DENND2B: variants seen among roughly 807,000 people sequenced by gnomAD.
DENND2B encodes the protein DENN domain-containing protein 2B.
DENND2B carries 32 observed loss-of-function variants against 116.0 expected under a neutral mutation model. The observed-to-expected ratio is 0.28, with a 90% CI of 0.21 to 0.37. The LOEUF is 0.37. DENND2B is among the 10% of genes least tolerant of loss of function. The pLI, the probability that DENND2B is intolerant of heterozygous loss-of-function variation, is 1.00. For synonymous variants in DENND2B, 588 were observed against 583.9 expected (o/e 1.01, Z -0.10); for missense variants, 1,276 against 1,477.7 (o/e 0.86, Z 2.24).
At chr11:8,700,064 TGG>T (rs36089509) in intron 14 of DENND2B, 5 of 443,310 alleles carry the variant, frequency 1.1e-5, no homozygotes, top group South Asian at 3.2e-5. Context: ...GGAGCTGGCC[TGG>T]GGGGGGGCAG....
In DENND2B at chr11:8,734,332, T is replaced by A. The variant is rs570435426; in HGVS notation, c.81-3123A>T. On this transcript the variant is annotated intron_variant, in intron 2 of 19. Transcript: ENST00000313726. ...TTATCATTAGTACTGTTTTTTTTTT[T>A]TATCAGGTTATGGCTAGCCAGTCAG... Among the ~76,000 whole-genome samples, 3 of 152,262 alleles carry A rather than the reference T, an allele frequency of 2.0e-5. No homozygotes were observed. In the East Asian group the frequency reaches 5.8e-4, roughly 29 times the overall value.
chr11:8,731,597 C>T (rs1420106199), intron 2 of DENND2B, among the ~76,000 whole-genome samples: 5 of 152,142 alleles, frequency 3.3e-5, no homozygotes, highest in Non-Finnish European at 5.9e-5. Flanking sequence ...TGCCTGTAAT[C>T]CCAGCACTTA....
At chr11:8,817,884 T>A (rs2061625808) in intron 4 of DENND2B, among the ~76,000 whole-genome samples, 1 of 151,666 alleles carries the variant, frequency 6.6e-6, no homozygotes, top group East Asian at 2.0e-4. Flanking sequence ...CTGGGCCACA[T>A]AAACATAGGC....
At chr11:8,704,670 T>G (rs1565647480) in intron 13 of DENND2B, among the ~76,000 whole-genome samples, 1 of 152,218 alleles carries the variant, frequency 6.6e-6, no homozygotes, top group Non-Finnish European at 1.5e-5. Context: ...ATCCACCTCT[T>G]ACTCTCAAAG....
chr11:8,759,409 GA>G (rs1330151651), intron 1 of DENND2B, among the ~76,000 whole-genome samples: 1 of 152,178 alleles, frequency 6.6e-6, no homozygotes, highest in Non-Finnish European at 1.5e-5. Flanking sequence ...CCACTGAGAG[GA>G]AACGTAAACA....
At chr11:8,838,611 A>G (rs2134607412) in intron 4 of DENND2B, among the ~76,000 whole-genome samples, 1 of 152,354 alleles carries the variant, frequency 6.6e-6, no homozygotes, top group Admixed American at 6.5e-5. Context: ...GCACAGAGGG[A>G]AATCGAAGAG....
At chr11:8,731,327 A>G (rs1435650649) in intron 2 of DENND2B, 118 bp from the exon 3 acceptor site, 4 of 992,946 alleles carry the variant, frequency 4.0e-6, no homozygotes, top group Middle Eastern at 2.5e-4. Flanking sequence ...AGGACTCTCA[A>G]AGAGTATTCT....
chr11:8,760,443 C>A (rs2054402145), intron 1 of DENND2B, among the ~76,000 whole-genome samples: 1 of 152,176 alleles, frequency 6.6e-6, no homozygotes, highest in Admixed American at 6.5e-5. Context: ...CAGAGCGAGA[C>A]CCTGTCTTTA....
At chr11:8,824,545 T>C (rs534835175) in intron 4 of DENND2B, among the ~76,000 whole-genome samples, 63 of 152,346 alleles carry the variant, frequency 4.1e-4, no homozygotes, top group African/African-American at 1.4e-3. Context: ...TCTTTTTTTA[T>C]GGCTGCATAG....
intron 1 of DENND2B, among the ~76,000 whole-genome samples, chr11:8,760,970 T>C (rs1031008754): frequency 3.3e-5 from 5 of 152,194 alleles, no homozygotes; most frequent in Non-Finnish European, 7.3e-5. Context: ...AAGAACTTTT[T>C]CCATCTCTTC....
intron 2 of DENND2B, among the ~76,000 whole-genome samples, chr11:8,739,801 T>A (rs1174610212): frequency 3.3e-5 from 5 of 152,120 alleles, no homozygotes; most frequent in Admixed American, 6.5e-5. Flanking sequence ...CAGAGCACCA[T>A]AAATGCACAC....
At chr11:8,694,253 A>C in intron 19 of DENND2B, 123 bp from the exon 20 acceptor site, 1 of 1,140,472 alleles carries the variant, frequency 8.8e-7, no homozygotes, top group Admixed American at 2.0e-5. Context: ...CTGGATTATA[A>C]CTGTGATCTG....
chr11:8,715,904 C>A, intron 5 of DENND2B, 86 bp from the exon 6 acceptor site: 1 of 1,273,494 alleles, frequency 7.9e-7, no homozygotes, highest in Non-Finnish European at 1.1e-6. Flanking sequence ...ACACAGAGGC[C>A]AAGGGCCGGC....
intron 1 of DENND2B, among the ~76,000 whole-genome samples, chr11:8,792,962 G>A (rs1472040510): frequency 1.3e-5 from 2 of 152,102 alleles, no homozygotes; most frequent in African/African-American, 2.4e-5. Flanking sequence ...AGGACACATG[G>A]GCAAAGACAG....
At chr11:8,904,025 G>A (rs913432097) in intron 1 of DENND2B, among the ~76,000 whole-genome samples, 14 of 151,308 alleles carry the variant, frequency 9.3e-5, no homozygotes, top group Non-Finnish European at 1.5e-4. Flanking sequence ...AAATGCTTAA[G>A]AATAATACCA....
chr11:8,847,283 A>G (rs1017746948), intron 3 of DENND2B, among the ~76,000 whole-genome samples: 23 of 152,232 alleles, frequency 1.5e-4, no homozygotes, highest in African/African-American at 5.3e-4. Context: ...ATGAAATGGG[A>G]ATTTGGAATT....
At chr11:8,706,557 A>G (rs1185824355) in intron 13 of DENND2B, among the ~76,000 whole-genome samples, 1 of 152,166 alleles carries the variant, frequency 6.6e-6, no homozygotes, top group Non-Finnish European at 1.5e-5. Flanking sequence ...GGTCTCTGAT[A>G]AAGTGTTACT....
intron 1 of DENND2B, among the ~76,000 whole-genome samples, chr11:8,768,622 A>G (rs984636080): frequency 3.9e-5 from 6 of 152,190 alleles, no homozygotes; most frequent in Non-Finnish European, 8.8e-5. Flanking sequence ...CCATCAGGTG[A>G]GCAGACCCCT....
At chr11:8,719,705 G>A (rs1404392702) in intron 4 of DENND2B, among the ~76,000 whole-genome samples, 4 of 152,206 alleles carry the variant, frequency 2.6e-5, no homozygotes, top group Non-Finnish European at 4.4e-5. Context: ...ATGCCCTGCA[G>A]GAGTGAGGAG....
Sources: gnomAD v4.1 joint callset for allele counts (sites outside exome capture counted in the v4.1 genomes callset) on GRCh38, gnomAD v4.1.1 for gene constraint, MANE v1.5 for transcripts, NCBI Gene and HGNC (gene_info 2026-07-23, HGNC 2026-07-21) for gene names.